Variants in INPP4B observed in about 807,000 individuals in gnomAD.
The protein encoded by INPP4B is inositol polyphosphate 4-phosphatase type II.
Under a neutral mutation model 122.5 loss-of-function variants are expected in INPP4B, and 55 were observed. The observed-to-expected ratio is 0.45, with a 90% CI of 0.36 to 0.56. INPP4B has a LOEUF of 0.56. Among genes scored for constraint, INPP4B ranks in the 20% least tolerant of loss-of-function variants. The pLI is 0.00. For synonymous variants in INPP4B, 403 were observed against 388.7 expected, an observed-to-expected ratio of 1.04 and a Z score of -0.43; for missense variants, 1,000 against 1,097.7, an observed-to-expected ratio of 0.91 and a Z score of 1.26.
At chr4:142,626,792 G>A (rs1169424687) in intron 2 of INPP4B, among the ~76,000 whole-genome samples, 1 of 151,950 alleles carries the variant, frequency 6.6e-6, no homozygotes, top group African/African-American at 2.4e-5. Flanking sequence ...CCACCAAAAT[G>A]GCAGAATAAG....
Position 142,028,494 on chromosome 4 carries a change from C to CATGA in INPP4B, c.*284_*287dup, listed in dbSNP as rs1737746651. On this transcript the variant is annotated 3_prime_UTR_variant, in exon 26 of 26. Coordinates refer to ENST00000262992, the MANE Select transcript of INPP4B (RefSeq NM_001101669.3). ...GTTTCCTCAGAAACATTTAAATACTCATGAATGAAATTTACACTTTGTGAA... is the reference window on the plus strand; with the variant it reads ...GTTTCCTCAGAAACATTTAAATACTCATGAATGAATGAAATTTACACTTTGTGAA... The CATGA allele has an allele frequency of 2.8e-6, 1 of 363,526 alleles. No individual in the cohort carries two copies. The highest frequency in any genetic ancestry group is 5.0e-6 in the Non-Finnish European group (1 of 200,130). 22.5% of individuals were successfully genotyped at this position (363,526 alleles called of 1,614,324 possible). A position where few individuals can be genotyped will look rare whatever the true frequency, so the allele number is the denominator to read the frequency against.
chr4:142,799,077 A>C (rs112550358), intron 1 of INPP4B, among the ~76,000 whole-genome samples: 14 of 152,022 alleles, frequency 9.2e-5, no homozygotes, highest in African/African-American at 3.4e-4. Context: ...ATTTTATAAA[A>C]ACACTAGAGT....
Position 142,027,404 on chromosome 4 carries a change from G to A in INPP4B, c.*1378C>T, listed in dbSNP as rs1167150334. The stretch of plus-strand genomic sequence containing the variant: ...TAAGAAGCCTCTGTTATTTTCAAGG[G>A]AGATTTATGCTTTGGATAGCATGCT... On this transcript the variant is annotated 3_prime_UTR_variant, in exon 26 of 26. Transcript: ENST00000262992. 6.6e-6 allele frequency: 1 copy of A among 152,166 alleles called. No homozygotes were observed. Among genetic ancestry groups the A allele is most frequent in the African/African-American group, 2.4e-5 (1 of 41,442 alleles). The allele number at this position is 152,166 out of a possible 1,614,324, so 9.4% of individuals were successfully genotyped here. A position where few individuals can be genotyped will look rare whatever the true frequency, so the allele number is the denominator to read the frequency against.
intron 11 of INPP4B, among the ~76,000 whole-genome samples, chr4:142,245,853 T>TAC (rs199939645): frequency 6.1e-5 from 2 of 32,576 alleles, no homozygotes; most frequent in African/African-American, 1.5e-4. Context: ...TGTGTATGTA[T>TAC]ACATATATGT....
chr4:142,312,738 G>A (rs1358200854), intron 8 of INPP4B, among the ~76,000 whole-genome samples: 3 of 152,196 alleles, frequency 2.0e-5, no homozygotes, highest in African/African-American at 7.2e-5. Flanking sequence ...GGGCAGTGGA[G>A]GAAGTGGGCC....
chr4:142,427,940 A>G (rs1808463379), intron 5 of INPP4B, among the ~76,000 whole-genome samples: 1 of 151,880 alleles, frequency 6.6e-6, no homozygotes, highest in African/African-American at 2.4e-5. Flanking sequence ...CTAGAGAGAG[A>G]GGGAGAAAAA....
At chr4:142,641,905 T>C (rs1580594366) in intron 2 of INPP4B, among the ~76,000 whole-genome samples, 1 of 152,302 alleles carries the variant, frequency 6.6e-6, no homozygotes, top group East Asian at 1.9e-4. Flanking sequence ...GTGTTCCTAT[T>C]TCTCCACATC....
chr4:142,047,751 T>C (rs541656868), intron 25 of INPP4B, among the ~76,000 whole-genome samples: 2 of 152,070 alleles, frequency 1.3e-5, no homozygotes, highest in African/African-American at 4.8e-5. Flanking sequence ...CTCCCAGGGA[T>C]TGCAAGGGAG....
rs1175766733 is a variant in INPP4B at position 142,052,386 on chromosome 4, G to GTATA, written c.2643-23476_2643-23473dup. ...ATTTGCCCAAAAATTGCTACCTGAA[G>GTATA]TATAACCCATATTCTTTTGTGTTAA... On this transcript the variant is annotated intron_variant, in intron 25 of 25. Coordinates refer to ENST00000262992, the MANE Select transcript of INPP4B (RefSeq NM_001101669.3). Among the ~76,000 whole-genome samples the GTATA allele has an allele frequency of 2.0e-5, 3 of 151,914 alleles. No individual in the cohort carries two copies. In the East Asian group the frequency reaches 5.8e-4, roughly 29 times the overall value.
chr4:142,576,219 T>A (rs1733805027), intron 2 of INPP4B, among the ~76,000 whole-genome samples: 1 of 151,972 alleles, frequency 6.6e-6, no homozygotes, highest in Admixed American at 6.6e-5. Flanking sequence ...CCTGATCTAG[T>A]AGAATTGCAT....
At chr4:142,257,937 A>G (rs1312942650) in intron 11 of INPP4B, among the ~76,000 whole-genome samples, 3 of 152,240 alleles carry the variant, frequency 2.0e-5, no homozygotes, top group African/African-American at 7.2e-5. Context: ...ACATCGCACT[A>G]CCTGACTTCA....
At chr4:142,066,819 GC>G (rs1202279064) in intron 25 of INPP4B, among the ~76,000 whole-genome samples, 2 of 152,208 alleles carry the variant, frequency 1.3e-5, no homozygotes, top group Non-Finnish European at 1.5e-5. Context: ...AAACAAAGCA[GC>G]CAGGAAGCTC....
intron 2 of INPP4B, among the ~76,000 whole-genome samples, chr4:142,569,711 A>T (rs2150154606): frequency 6.6e-6 from 1 of 152,250 alleles, no homozygotes; most frequent in East Asian, 1.9e-4. Flanking sequence ...GTTATCACTA[A>T]CATCCAAATT....
At chr4:142,299,162 T>C (rs1477171903) in intron 9 of INPP4B, among the ~76,000 whole-genome samples, 1 of 144,280 alleles carries the variant, frequency 6.9e-6, no homozygotes, top group Non-Finnish European at 1.5e-5. Context: ...CTTTCTTTTT[T>C]TTTTTTTGGG....
At chr4:142,555,833 T>C (rs1178576811) in intron 2 of INPP4B, among the ~76,000 whole-genome samples, 1 of 143,976 alleles carries the variant, frequency 6.9e-6, no homozygotes, top group African/African-American at 2.6e-5. Context: ...ATCATGCCAC[T>C]GCACTCCAGC....
At chr4:142,228,176 A>C (rs1056392991) in intron 12 of INPP4B, among the ~76,000 whole-genome samples, 1 of 152,080 alleles carries the variant, frequency 6.6e-6, no homozygotes. Context: ...AATAGAAATA[A>C]AAGCAGCATG....
chr4:142,237,852 A>G lies in INPP4B; in HGVS notation c.836+12T>C. ...ATAATTAATATGAGAGAAAATAGTT[A>G]TTTTCTCTTACCTGCACAAATCTTC... On this transcript the variant is annotated intron_variant, in intron 12 of 25. Transcript: ENST00000262992. 6.8e-7 allele frequency: 1 copy of G among 1,475,636 alleles called. No homozygotes were observed. The highest frequency in any genetic ancestry group is 2.3e-5 in the East Asian group (1 of 43,736). The allele number at this position is 1,475,636 out of a possible 1,614,324, so 91.4% of individuals were successfully genotyped here.
At chr4:142,779,331 T>A (rs536210627) in intron 1 of INPP4B, among the ~76,000 whole-genome samples, 1 of 152,146 alleles carries the variant, frequency 6.6e-6, no homozygotes, top group African/African-American at 2.4e-5. Context: ...GTTTTAATTA[T>A]ATAAAGTCCC....
At chr4:142,398,817 GT>G (rs1212523377) in intron 7 of INPP4B, among the ~76,000 whole-genome samples, 2 of 152,000 alleles carry the variant, frequency 1.3e-5, no homozygotes, top group Non-Finnish European at 2.9e-5. Context: ...GTAACTGGCA[GT>G]AAAAAAATGT....
Sources: allele counts gnomAD v4.1 joint callset (sites outside exome capture counted in the v4.1 genomes callset), GRCh38; gene constraint gnomAD v4.1.1; transcripts MANE v1.5; gene names NCBI Gene and HGNC (gene_info 2026-07-23, HGNC 2026-07-21).